TET1: variants seen among roughly 807,000 people sequenced by gnomAD.
TET1 encodes the protein methylcytosine dioxygenase TET1.
TET1 carries 13 observed loss-of-function variants against 148.7 expected under a neutral mutation model. The observed-to-expected ratio is 0.09, with a 90% confidence interval of 0.06 to 0.14. The LOEUF is 0.14. TET1 is among the 10% of genes least tolerant of loss of function. The pLI, the probability that TET1 is intolerant of heterozygous loss-of-function variation, is 1.00. For synonymous variants in TET1, 907 were observed against 937.2 expected (o/e 0.97, Z 0.59); for missense variants, 2,182 against 2,553.8 (o/e 0.85, Z 3.14).
chr10:68,658,256 G>A (rs2055054748), intron 6 of TET1, among the ~76,000 whole-genome samples: 2 of 151,728 alleles, frequency 1.3e-5, no homozygotes, highest in Non-Finnish European at 2.9e-5. Context: ...CTGTTGCCCA[G>A]GCTTGAGTGC....
At chr10:68,672,460 C>T (rs986986123) in intron 7 of TET1, among the ~76,000 whole-genome samples, 1 of 108,964 alleles carries the variant, frequency 9.2e-6, no homozygotes, top group Non-Finnish European at 1.7e-5. Flanking sequence ...GGCAATCCAC[C>T]CTTGGTGACA....
At chr10:68,613,404 A>G (rs1475321579) in intron 3 of TET1, among the ~76,000 whole-genome samples, 3 of 152,222 alleles carry the variant, frequency 2.0e-5, no homozygotes, top group African/African-American at 4.8e-5. Context: ...TGTCCAATCT[A>G]TGTTTAACTG....
At chr10:68,574,771 C>T (rs1368928455) in intron 2 of TET1, among the ~76,000 whole-genome samples, 1 of 152,176 alleles carries the variant, frequency 6.6e-6, no homozygotes, top group Non-Finnish European at 1.5e-5. Flanking sequence ...CAGCTTTTGT[C>T]TCAACTTTTG....
intron 3 of TET1, among the ~76,000 whole-genome samples, chr10:68,633,241 C>T (rs1170431848): frequency 6.6e-6 from 1 of 152,070 alleles, no homozygotes; most frequent in Non-Finnish European, 1.5e-5. Context: ...TATATTGAGC[C>T]TTTACAGTAT....
intron 3 of TET1, among the ~76,000 whole-genome samples, chr10:68,643,444 T>G (rs898495452): frequency 1.3e-5 from 2 of 152,144 alleles, no homozygotes; most frequent in Non-Finnish European, 2.9e-5. Context: ...AACAGCTCAT[T>G]TTGTGAAAAC....
At chr10:68,664,306 C>T (rs779385717) in intron 6 of TET1, among the ~76,000 whole-genome samples, 1 of 151,662 alleles carries the variant, frequency 6.6e-6, no homozygotes, top group Non-Finnish European at 1.5e-5. Context: ...ATATATTATG[C>T]CAAATATATG....
intron 3 of TET1, among the ~76,000 whole-genome samples, chr10:68,624,083 T>TTTTC (rs756484778): frequency 3.4e-5 from 5 of 148,684 alleles, no homozygotes; most frequent in African/African-American, 4.9e-5. Context: ...ATATTTTCTT[T>TTTTC]TTTCTTTCTT....
At chr10:68,655,868 G>A (rs950975358) in intron 6 of TET1, among the ~76,000 whole-genome samples, 3 of 152,156 alleles carry the variant, frequency 2.0e-5, no homozygotes, top group Admixed American at 2.0e-4. Flanking sequence ...CAGAAGGTGA[G>A]TGGCAGGAGA....
chr10:68,577,064 G>A (rs1043053317), intron 2 of TET1, among the ~76,000 whole-genome samples: 2 of 151,970 alleles, frequency 1.3e-5, no homozygotes, highest in Non-Finnish European at 2.9e-5. Context: ...GCCCGCCACC[G>A]CGCCCGGCTA....
chr10:68,647,319 G>A (rs530997992), intron 4 of TET1, among the ~76,000 whole-genome samples: 1 of 152,128 alleles, frequency 6.6e-6, no homozygotes, highest in African/African-American at 2.4e-5. Flanking sequence ...AATGAATTTC[G>A]TAGGCCAGGC....
chr10:68,648,062 A>G (rs2133100748), intron 4 of TET1, among the ~76,000 whole-genome samples: 2 of 152,356 alleles, frequency 1.3e-5, no homozygotes, highest in Admixed American at 1.3e-4. Context: ...CAAAAAATCA[A>G]AGAATAACCA....
chr10:68,686,891 CTT>C (rs777246216), intron 11 of TET1, among the ~76,000 whole-genome samples, 184 bp downstream of exon 11: 15 of 144,586 alleles, frequency 1.0e-4, no homozygotes, highest in Admixed American at 2.1e-4. Flanking sequence ...TCGACTTATC[CTT>C]TTTTTTTTTT....
rs779832623 is a variant in TET1 at position 68,600,965 on chromosome 10, A to G, written c.1915-16A>G. The G allele has an allele frequency of 3.3e-5, 52 of 1,594,576 alleles. No homozygotes were observed. The highest frequency in any genetic ancestry group is 4.2e-5 in the Non-Finnish European group (49 of 1,175,652). On this transcript the variant is annotated splice_polypyrimidine_tract_variant and intron_variant, in intron 2 of 11. Transcript: ENST00000373644. ...TTCTTAAACAGAGGCTCATTTTGCA[A>G]TTTGATTTTTTTTAGGTTATAAAGG...
intron 1 of TET1, among the ~76,000 whole-genome samples, chr10:68,565,669 C>T (rs1400775328): frequency 1.3e-5 from 2 of 152,022 alleles, no homozygotes; most frequent in African/African-American, 4.8e-5. Flanking sequence ...GGACTACATT[C>T]TCTTGCCCCT....
In TET1 at chr10:68,691,675, G is replaced by A. The variant is rs1330768503; in HGVS notation, c.6272G>A (p.Gly2091Asp). Reference protein sequence around the residue: ...SEQKDQAANEGPEQSSEVNEL... With the variant: ...SEQKDQAANEDPEQSSEVNEL... ...CAAAAAGACCAGGCAGCTAATGAAG[G>A]TCCAGAACAGTCCTCTGAAGTAAAT... is the stretch of plus-strand genomic sequence containing the variant. Residue 2091 changes from glycine (G) to aspartate (D), a missense_variant, in exon 12 of 12, where the codon GGT becomes GAT. Around this residue, in one of 11 missense-constraint regions of TET1, gnomAD observed 54 missense variants for 44.4 expected, o/e 1.22. Coordinates refer to ENST00000373644, the MANE Select transcript of TET1 (RefSeq NM_030625.3). The surrounding 1 kb of genome is among the most constrained non-coding windows in gnomAD (Gnocchi z 4.4). 2 of 1,614,180 alleles carry A rather than the reference G, an allele frequency of 1.2e-6. No homozygotes were observed. The highest frequency in any genetic ancestry group is 1.7e-6 in the Non-Finnish European group (2 of 1,180,046).
chr10:68,693,718 ATAAG>A lies in TET1; in HGVS notation c.*1906_*1909del, dbSNP rs2055621556. 4.3e-6 allele frequency: 1 copy of A among 231,582 alleles called. No homozygotes were observed. The highest frequency in any genetic ancestry group is 2.2e-5 in the African/African-American group (1 of 45,276). The allele number at this position is 231,582 out of a possible 1,614,324, so 14.3% of individuals were successfully genotyped here. A position where few individuals can be genotyped will look rare whatever the true frequency, so the allele number is the denominator to read the frequency against. ...TTCTTATATACATATAAGTATATAA[ATAAG>A]TGATTGTTTATTGCTTCAGCTGCTT... On this transcript the variant is annotated 3_prime_UTR_variant, in exon 12 of 12. Coordinates refer to ENST00000373644, the MANE Select transcript of TET1 (RefSeq NM_030625.3).
intron 4 of TET1, among the ~76,000 whole-genome samples, chr10:68,648,051 T>G (rs2054878717): frequency 6.6e-6 from 1 of 152,216 alleles, no homozygotes; most frequent in South Asian, 2.1e-4. Context: ...ATTTCCTATT[T>G]CAAAAAATCA....
At chr10:68,634,803 C>T (rs992689092) in intron 3 of TET1, among the ~76,000 whole-genome samples, 4 of 152,034 alleles carry the variant, frequency 2.6e-5, no homozygotes, top group Non-Finnish European at 4.4e-5. Flanking sequence ...CTCACTCTGT[C>T]GCCCAGTCTG....
chr10:68,666,891 C>T (rs746190973), intron 6 of TET1, among the ~76,000 whole-genome samples, 154 bp from the exon 7 acceptor site: 2 of 152,102 alleles, frequency 1.3e-5, no homozygotes, highest in Non-Finnish European at 2.9e-5. Flanking sequence ...TGAGACCAGC[C>T]TTGGTAACAT....
Sources: allele counts gnomAD v4.1 joint callset (sites outside exome capture counted in the v4.1 genomes callset), GRCh38; gene constraint gnomAD v4.1.1; regional missense constraint gnomAD v4.1.1; non-coding constraint Gnocchi (gnomAD v3.1); transcripts MANE v1.5; gene names NCBI Gene and HGNC (gene_info 2026-07-23, HGNC 2026-07-21).